PIEZO2: variants seen among roughly 807,000 people sequenced by gnomAD.
PIEZO2 encodes the protein piezo-type mechanosensitive ion channel component 2.
In PIEZO2, 172 loss-of-function variants were observed where a neutral mutation model predicts 337.3. The observed-to-expected ratio is 0.51, with a 90% CI of 0.45 to 0.58. The LOEUF is 0.58. Ranked by LOEUF, PIEZO2 falls within the 20% of genes least tolerant of loss-of-function variation. PIEZO2 has a pLI of 0.00. For missense variants in PIEZO2, 3,028 were observed against 3,391.3 expected, an observed-to-expected ratio of 0.89 and a Z score of 2.66; for synonymous variants, 1,251 against 1,228.5, an observed-to-expected ratio of 1.02 and a Z score of -0.38.
rs2039284367 is a variant in PIEZO2, at chr18:11,097,154, C to T, written c.65-30932G>A. Among the ~76,000 whole-genome samples, 1 of 152,086 alleles carries T rather than the reference C, an allele frequency of 6.6e-6. No homozygotes were observed. The highest frequency in any genetic ancestry group is 6.6e-5 in the Admixed American group (1 of 15,260). ...AAACAGGTGTCTGCAAACTACATCC[C>T]TCCGGCTAAATCCCGCCCCACAAAC... On this transcript the variant is annotated intron_variant, in intron 1 of 55. Transcript: ENST00000674853. This position sits in a 1 kb window ranked among gnomAD's most constrained non-coding sequence, Gnocchi z 5.0.
chr18:10,990,841 T>C (rs2035062529), intron 2 of PIEZO2, among the ~76,000 whole-genome samples: 1 of 151,986 alleles, frequency 6.6e-6, no homozygotes, highest in Non-Finnish European at 1.5e-5. Context: ...CTTGCATACC[T>C]GAAATAAATT....
At chr18:10,792,138 G>A (rs1184036803) in intron 13 of PIEZO2, among the ~76,000 whole-genome samples, 8 of 152,040 alleles carry the variant, frequency 5.3e-5, no homozygotes, top group African/African-American at 1.9e-4. Context: ...TAGTAGAGAC[G>A]GGGTTTCACC....
intron 2 of PIEZO2, among the ~76,000 whole-genome samples, chr18:10,994,505 G>T (rs1487821727): frequency 6.6e-6 from 1 of 151,252 alleles, no homozygotes; most frequent in Non-Finnish European, 1.5e-5. Flanking sequence ...CGCCTCCAGG[G>T]TTCAAGCAAT....
At chr18:10,695,580 C>A (rs150988652) in intron 47 of PIEZO2, among the ~76,000 whole-genome samples, 2 of 152,296 alleles carry the variant, frequency 1.3e-5, no homozygotes, top group East Asian at 3.9e-4. Flanking sequence ...AGTTAACCCC[C>A]ACCAGTCTCC....
At chr18:10,697,705 C>T in intron 45 of PIEZO2, 43 bp downstream of exon 45, 1 of 1,599,726 alleles carries the variant, frequency 6.3e-7, no homozygotes. Flanking sequence ...AAGCCCAAAA[C>T]CCTACAATAA....
intron 13 of PIEZO2, among the ~76,000 whole-genome samples, chr18:10,792,361 C>A (rs1270161807): frequency 6.6e-6 from 1 of 152,194 alleles, no homozygotes; most frequent in African/African-American, 2.4e-5. Flanking sequence ...CGGAGTTGTG[C>A]AACCATCACT....
rs940833710 is a variant in PIEZO2 at position 10,809,332 on chromosome 18, G to A, written c.918-2058C>T. 7.0e-5 allele frequency among the ~76,000 whole-genome samples: 9 copies of A among 129,460 alleles called. 1 individual carries two copies. The East Asian group carries it at 1.0e-3, about 15-fold the overall frequency. 84.9% of individuals were successfully genotyped at this position (129,460 alleles called of 152,430 possible). A position where few individuals can be genotyped will look rare whatever the true frequency, so the allele number is the denominator to read the frequency against. ...CGTCGCCAGGCTGGAGTACAGTGGCGCAATCTCGGCTCACTGCAACCTCCG... is the reference window on the plus strand; with the variant it reads ...CGTCGCCAGGCTGGAGTACAGTGGCACAATCTCGGCTCACTGCAACCTCCG... On this transcript the variant is annotated intron_variant, in intron 7 of 55. Coordinates refer to ENST00000674853, the MANE Select transcript of PIEZO2 (RefSeq NM_001378183.1).
In PIEZO2 at chr18:11,127,797, G is replaced by GCA. The variant is rs2040227767; in HGVS notation, c.64+20727_64+20728insTG. 1.7e-5 allele frequency among the ~76,000 whole-genome samples: 1 copy of GCA among 59,656 alleles called. No individual in the cohort carries two copies. The highest frequency in any genetic ancestry group is 5.3e-4 in the East Asian group (1 of 1,882). 39.1% of individuals were successfully genotyped at this position (59,656 alleles called of 152,430 possible). ...TATATATGCATATACGTGTGTGTGT[G>GCA]TGTGCATGTGTGTGTGTGTGTGTGT... On this transcript the variant is annotated intron_variant, in intron 1 of 55. Transcript: ENST00000674853. The surrounding 1 kb of genome is among the most constrained non-coding windows in gnomAD (Gnocchi z 4.5).
rs941610722 is a variant in PIEZO2 at position 10,813,735 on chromosome 18, C to A, written c.918-6461G>T. 6.6e-6 allele frequency among the ~76,000 whole-genome samples: 1 copy of A among 152,100 alleles called. No individual in the cohort carries two copies. ...TCTCTTCAAGACCCTGTTTTCAATT[C>A]TTTTCTATATATAGCCATAAGTGAA... On this transcript the variant is annotated intron_variant, in intron 7 of 55. Transcript: ENST00000674853. This position sits in a 1 kb window ranked among gnomAD's most constrained non-coding sequence, Gnocchi z 4.2.
Position 10,742,493 on chromosome 18 carries a change from C to A in PIEZO2, c.4636+1G>T. Reference sequence around the variant, plus strand: ...AATAAGAGGAAAATGTCTTGACATACTTTCATCATCCTCTTCAGAGAGTTT... The same window carrying A: ...AATAAGAGGAAAATGTCTTGACATAATTTCATCATCCTCTTCAGAGAGTTT... On this transcript the variant is annotated splice_donor_variant, in intron 32 of 55. Transcript: ENST00000674853. LOFTEE classifies it high-confidence loss of function. The A allele has an allele frequency of 6.5e-7, 1 of 1,537,108 alleles. No homozygotes were observed. The highest frequency in any genetic ancestry group is 8.7e-7 in the Non-Finnish European group (1 of 1,146,854).
Position 10,952,611 on chromosome 18 carries a change from G to T in PIEZO2, c.286+26924C>A, listed in dbSNP as rs1048642910. On this transcript the variant is annotated intron_variant, in intron 3 of 55. Coordinates refer to ENST00000674853, the MANE Select transcript of PIEZO2 (RefSeq NM_001378183.1). The surrounding 1 kb of genome is among the most constrained non-coding windows in gnomAD (Gnocchi z 4.1). ...AAGTTTGCTGAAAGACATTGAAGTT[G>T]CTTCCAGTTGGGGCAATGACGAATA... Among the ~76,000 whole-genome samples, 5 of 152,172 alleles carry T rather than the reference G, an allele frequency of 3.3e-5. No homozygotes were observed. The highest frequency in any genetic ancestry group is 5.9e-5 in the Non-Finnish European group (4 of 68,028).
At chr18:10,904,580 T>C (rs973890859) in intron 4 of PIEZO2, among the ~76,000 whole-genome samples, 4 of 152,204 alleles carry the variant, frequency 2.6e-5, no homozygotes, top group Non-Finnish European at 5.9e-5. Context: ...AGAGGTGGCA[T>C]ACTTCACACT....
At chr18:10,720,415 GTATGTATATA>G (rs1485574948) in intron 36 of PIEZO2, among the ~76,000 whole-genome samples, 499 of 39,882 alleles carry the variant, frequency 0.013, 36 homozygotes, top group Non-Finnish European at 0.023. Context: ...ATGTGTATGT[GTATGTATATA>G]TATATATATA....
At chr18:10,814,163 G>A (rs2040287440) in intron 7 of PIEZO2, among the ~76,000 whole-genome samples, 1 of 151,852 alleles carries the variant, frequency 6.6e-6, no homozygotes, top group Non-Finnish European at 1.5e-5. Context: ...TAGAGACAGG[G>A]TTTCACTGTG....
At chr18:10,691,441 T>A (rs2034822514) in intron 47 of PIEZO2, 58 bp from the exon 48 acceptor site, 7 of 1,541,478 alleles carry the variant, frequency 4.5e-6, no homozygotes, top group Non-Finnish European at 6.2e-6. Flanking sequence ...AACAAAAGGA[T>A]GGCAGTGTCA....
chr18:11,071,399 G>C (rs942948507), intron 1 of PIEZO2, among the ~76,000 whole-genome samples: 1 of 152,250 alleles, frequency 6.6e-6, no homozygotes, highest in African/African-American at 2.4e-5. Context: ...CAAACATGTA[G>C]TGAGCACACA....
In PIEZO2 at chr18:10,853,289, C is replaced by T. The variant is rs1371312474; in HGVS notation, c.917+2064G>A. ...CCGGAATCAAGCCAATGTATAAAACCCCAGTCAAAGGTCAAACCGTGCACT... is the reference window on the plus strand; with the variant it reads ...CCGGAATCAAGCCAATGTATAAAACTCCAGTCAAAGGTCAAACCGTGCACT... On this transcript the variant is annotated intron_variant, in intron 7 of 55. Transcript: ENST00000674853. The surrounding 1 kb of genome is among the most constrained non-coding windows in gnomAD (Gnocchi z 4.2). 6.6e-6 allele frequency among the ~76,000 whole-genome samples: 1 copy of T among 152,290 alleles called. No individual in the cohort carries two copies. The highest frequency in any genetic ancestry group is 3.4e-3 in the Middle Eastern group (1 of 294).
intron 2 of PIEZO2, among the ~76,000 whole-genome samples, chr18:11,044,545 C>T (rs1404669862): frequency 6.6e-6 from 1 of 152,154 alleles, no homozygotes; most frequent in East Asian, 1.9e-4. Context: ...CTAGGCCACA[C>T]TATTTTCAAA....
At position 10,888,580 on chromosome 18, in the gene PIEZO2, C is replaced by T. The variant is rs1004102361; in HGVS notation, c.330-17165G>A. The stretch of plus-strand genomic sequence containing the variant: ...ATATATTTCCACACACACGCATATG[C>T]CTTTACAACTATTTCCATATCTTCT... On this transcript the variant is annotated intron_variant, in intron 4 of 55. Transcript: ENST00000674853. This position sits in a 1 kb window ranked among gnomAD's most constrained non-coding sequence, Gnocchi z 4.1. Among the ~76,000 whole-genome samples the T allele has an allele frequency of 1.3e-5, 2 of 152,096 alleles. No homozygotes were observed. The highest frequency in any genetic ancestry group is 4.8e-5 in the African/African-American group (2 of 41,396).
Sources: allele counts gnomAD v4.1 joint callset (sites outside exome capture counted in the v4.1 genomes callset), GRCh38; gene constraint gnomAD v4.1.1; non-coding constraint Gnocchi (gnomAD v3.1); transcripts MANE v1.5; gene names NCBI Gene and HGNC (gene_info 2026-07-23, HGNC 2026-07-21).